TRPM2: variants seen among roughly 807,000 people sequenced by gnomAD.
The protein encoded by TRPM2 is transient receptor potential cation channel subfamily M member 2.
Under a neutral mutation model 174.0 loss-of-function variants are expected in TRPM2, and 161 were observed. The observed-to-expected ratio is 0.93, with a 90% CI of 0.81 to 1.05. TRPM2 has a LOEUF of 1.05. TRPM2 is among the 50% of genes least tolerant of loss of function. The pLI is 0.00. For synonymous variants in TRPM2, 954 were observed against 861.3 expected (o/e 1.11, Z -1.88); for missense variants, 2,057 against 2,038.0 (o/e 1.01, Z -0.18).
At chr21:44,426,561 C>T (rs781734256) in intron 25 of TRPM2, 99 bp from the exon 26 acceptor site, 92 of 1,232,442 alleles carry the variant, frequency 7.5e-5, no homozygotes, top group East Asian at 6.1e-4. Flanking sequence ...ATGTTGGGGT[C>T]GGGTTCAGAC....
At chr21:44,400,999 G>T (rs745403554) in intron 15 of TRPM2, among the ~76,000 whole-genome samples, 1 of 152,134 alleles carries the variant, frequency 6.6e-6, no homozygotes, top group Non-Finnish European at 1.5e-5. Flanking sequence ...TCTGCAACCC[G>T]CAGTCCACAC....
intron 5 of TRPM2, among the ~76,000 whole-genome samples, chr21:44,372,524 TCA>T (rs1278966411): frequency 1.3e-5 from 2 of 152,024 alleles, no homozygotes; most frequent in Non-Finnish European, 2.9e-5. Context: ...AACAAAAATA[TCA>T]TCAGCTCAAA....
chr21:44,353,727 T>C lies in TRPM2; in HGVS notation c.27T>C (p.Ala9=), dbSNP rs778812464. 1.9e-6 allele frequency: 3 copies of C among 1,564,062 alleles called. No individual in the cohort carries two copies. The highest frequency in any genetic ancestry group is 2.0e-5 in the Admixed American group (1 of 49,558). The change falls in exon 1 of 32, where the codon GCT becomes GCC. Residue 9 remains alanine, a synonymous_variant. Transcript: ENST00000397928. ...TGGAGCCCTCAGCCCTGAGGAAAGC[T>C]GGCTCGGAGCAGGAGGAGGGCTTTG... MEPSALRK[A]GSEQEEGFEG...
At chr21:44,368,934 T>C (rs2048439959) in intron 4 of TRPM2, among the ~76,000 whole-genome samples, 1 of 151,752 alleles carries the variant, frequency 6.6e-6, no homozygotes, top group Middle Eastern at 3.4e-3. Context: ...ATCCTGAGAC[T>C]GGGGCCTGAG....
chr21:44,351,219 C>T (rs1303735395), upstream of TRPM2, among the ~76,000 whole-genome samples: 1 of 152,168 alleles, frequency 6.6e-6, no homozygotes, highest in Non-Finnish European at 1.5e-5. Flanking sequence ...CGCGTGCCAA[C>T]GAGTCTTCTT....
intron 12 of TRPM2, among the ~76,000 whole-genome samples, chr21:44,397,373 A>C (rs564187256): frequency 6.6e-6 from 1 of 152,298 alleles, no homozygotes; most frequent in African/African-American, 2.4e-5. Flanking sequence ...TTCTGCTAAA[A>C]AAAACTGGTT....
chr21:44,362,714 C>T (rs997015653), intron 2 of TRPM2, among the ~76,000 whole-genome samples: 2 of 152,038 alleles, frequency 1.3e-5, no homozygotes, highest in South Asian at 2.1e-4. Flanking sequence ...TGTGTCTGCT[C>T]GTGACAAATT....
intron 28 of TRPM2, among the ~76,000 whole-genome samples, chr21:44,435,419 C>T (rs2051206581): frequency 6.6e-6 from 1 of 152,030 alleles, no homozygotes; most frequent in Admixed American, 6.6e-5. Context: ...CCATGCTGCC[C>T]ATCCTGGAGG....
chr21:44,411,530 A>T (rs1019378790), intron 19 of TRPM2, among the ~76,000 whole-genome samples: 4 of 152,166 alleles, frequency 2.6e-5, no homozygotes, highest in Non-Finnish European at 5.9e-5. Context: ...CATCTGCAAA[A>T]AGAGAGTTTT....
intron 22 of TRPM2, among the ~76,000 whole-genome samples, chr21:44,420,411 G>T (rs1389049984): frequency 6.6e-6 from 1 of 152,202 alleles, no homozygotes; most frequent in Non-Finnish European, 1.5e-5. Flanking sequence ...TGTAGAGCAG[G>T]CCCAGTGCCT....
At chr21:44,420,672 G>A (rs2050517000) in intron 22 of TRPM2, among the ~76,000 whole-genome samples, 1 of 152,256 alleles carries the variant, frequency 6.6e-6, no homozygotes, top group Non-Finnish European at 1.5e-5. Context: ...CATGCCCAGG[G>A]CCCAGATGCT....
At chr21:44,365,284 G>T (rs948721557) in intron 3 of TRPM2, among the ~76,000 whole-genome samples, 1 of 152,256 alleles carries the variant, frequency 6.6e-6, no homozygotes, top group African/African-American at 2.4e-5. Flanking sequence ...GGTGGGGAGG[G>T]TGGCACTGAT....
chr21:44,392,286 C>G (rs898406143), intron 11 of TRPM2, among the ~76,000 whole-genome samples: 2 of 151,992 alleles, frequency 1.3e-5, no homozygotes, highest in African/African-American at 4.8e-5. Context: ...GAGACAGGGT[C>G]TGGCTCTGTG....
chr21:44,370,639 G>A (rs2048509874), intron 5 of TRPM2, among the ~76,000 whole-genome samples: 2 of 152,218 alleles, frequency 1.3e-5, no homozygotes, highest in South Asian at 2.1e-4. Flanking sequence ...TTCCCCGGGC[G>A]GGCAGAGGAC....
intron 22 of TRPM2, 79 bp from the exon 23 acceptor site, chr21:44,423,566 G>A (rs928865799): frequency 8.1e-7 from 1 of 1,231,192 alleles, no homozygotes; most frequent in Non-Finnish European, 1.2e-6. Context: ...GCATCTGGCA[G>A]GGCTGTCTGC....
intron 2 of TRPM2, among the ~76,000 whole-genome samples, chr21:44,359,230 G>A (rs932074360): frequency 2.0e-5 from 3 of 152,088 alleles, no homozygotes; most frequent in Admixed American, 1.3e-4. Context: ...GCACCAATTG[G>A]TCCATTTTAT....
At chr21:44,405,579 T>TA (rs2049840914) in intron 17 of TRPM2, among the ~76,000 whole-genome samples, 1 of 151,902 alleles carries the variant, frequency 6.6e-6, no homozygotes, top group Non-Finnish European at 1.5e-5. Flanking sequence ...CTCCCTACTG[T>TA]GGGCTCACTG....
At position 44,426,655 on chromosome 21, in the gene TRPM2, G is replaced by C; in HGVS notation, c.3796-5G>C. On this transcript the variant is annotated splice_region_variant and splice_polypyrimidine_tract_variant and intron_variant, in intron 25 of 31. Transcript: ENST00000397928. ...TCTGAGGGAAAACTCCCTGTTTTGC[G>C]ACAGACGGAGTTCCTGATCTATGAC... 1 of 1,614,162 alleles carries C rather than the reference G, an allele frequency of 6.2e-7. No individual in the cohort carries two copies. The highest frequency in any genetic ancestry group is 8.5e-7 in the Non-Finnish European group (1 of 1,180,000).
At chr21:44,364,894 C>G in intron 3 of TRPM2, among the ~76,000 whole-genome samples, 1 of 152,240 alleles carries the variant, frequency 6.6e-6, no homozygotes, top group South Asian at 2.1e-4. Flanking sequence ...ACTGAGGTCC[C>G]TGGACCAGCC....
Sources: allele counts gnomAD v4.1 joint callset (sites outside exome capture counted in the v4.1 genomes callset), GRCh38; gene constraint gnomAD v4.1.1; transcripts MANE v1.5; gene names NCBI Gene and HGNC (gene_info 2026-07-23, HGNC 2026-07-21).